RHOT1: variants seen among roughly 807,000 people sequenced by gnomAD.
The protein encoded by RHOT1 is ras homolog family member T1, also known as mitochondrial Rho GTPase 1.
In RHOT1, 27 loss-of-function variants were observed where a neutral mutation model predicts 95.3. The observed-to-expected ratio is 0.28, with a 90% CI of 0.21 to 0.39. RHOT1 has a LOEUF of 0.39. Among genes scored for constraint, RHOT1 ranks in the 10% least tolerant of loss-of-function variants. The pLI is 1.00. For synonymous variants in RHOT1, 227 were observed against 263.5 expected (o/e 0.86, Z 1.34); for missense variants, 578 against 786.7 (o/e 0.73, Z 3.17).
Position 32,175,609 on chromosome 17 carries a change from A to T in RHOT1, c.222+247A>T, listed in dbSNP as rs900445002. On this transcript the variant is annotated intron_variant, in intron 4 of 19. Transcript: ENST00000545287. ...GTAGCTGGGATTACAGGCATGCACC[A>T]CCATGCCCAGCTAATTTTTGTATTT... Among the ~76,000 whole-genome samples the T allele has an allele frequency of 3.3e-4, 50 of 152,076 alleles. 1 individual carries two copies. Among genetic ancestry groups the T allele is most frequent in the Admixed American group, 7.9e-4 (12 of 15,272 alleles).
chr17:32,209,225 A>T, intron 18 of RHOT1: 1 of 470,318 alleles, frequency 2.1e-6, no homozygotes, highest in East Asian at 3.4e-5. Context: ...TACTTTTTTT[A>T]GATGCAACAA....
At chr17:32,201,452 A>G (rs1391280555) in intron 14 of RHOT1, among the ~76,000 whole-genome samples, 1 of 152,244 alleles carries the variant, frequency 6.6e-6, no homozygotes, top group African/African-American at 2.4e-5. Flanking sequence ...AATGTGCACC[A>G]CTTAAAGTAA....
At chr17:32,200,918 T>G (rs775125117) in intron 13 of RHOT1, 38 bp from the exon 14 acceptor site, 1 of 1,451,396 alleles carries the variant, frequency 6.9e-7, no homozygotes, top group Non-Finnish European at 9.7e-7. Flanking sequence ...AATATTCGTT[T>G]AGGAACTTTT....
intron 1 of RHOT1, among the ~76,000 whole-genome samples, chr17:32,145,785 C>T (rs1388627251): frequency 6.6e-6 from 1 of 152,040 alleles, no homozygotes; most frequent in Non-Finnish European, 1.5e-5. Flanking sequence ...GAGGCCGAGG[C>T]AGGTGGATCA....
intron 14 of RHOT1, among the ~76,000 whole-genome samples, chr17:32,201,707 C>G (rs947864885): frequency 2.6e-5 from 4 of 152,172 alleles, no homozygotes; most frequent in African/African-American, 9.7e-5. Context: ...ACATTGTGGA[C>G]ATTTTTCTGT....
intron 6 of RHOT1, among the ~76,000 whole-genome samples, chr17:32,178,760 G>GCCC (rs2035261578): frequency 6.9e-6 from 1 of 145,802 alleles, no homozygotes; most frequent in Admixed American, 6.8e-5. Context: ...CTGCCTGGCT[G>GCCC]CCCCGTCTGG....
chr17:32,201,136 A>G (rs1474604460), intron 14 of RHOT1, 80 bp downstream of exon 14: 11 of 774,538 alleles, frequency 1.4e-5, no homozygotes, highest in Middle Eastern at 5.4e-4. Flanking sequence ...AAGAGTAAGA[A>G]TACACTCATC....
At chr17:32,186,347 A>G (rs9910874) in intron 8 of RHOT1, among the ~76,000 whole-genome samples, 27,664 of 148,892 alleles carry the variant, frequency 0.19, 2,630 homozygotes, top group South Asian at 0.27. Flanking sequence ...TCTATTGCCT[A>G]TTCAAAGTCC....
At chr17:32,214,978 C>T (rs1433380265) in intron 19 of RHOT1, among the ~76,000 whole-genome samples, 1 of 140,838 alleles carries the variant, frequency 7.1e-6, no homozygotes, top group African/African-American at 2.7e-5. Context: ...ATGATCTCGG[C>T]TCACTGCAAC....
rs991549458 is a variant in RHOT1 at position 32,157,792 on chromosome 17, G to C, written c.38-13251G>C. Reference sequence around the variant, plus strand: ...ATTGTACTCCAGCCTGGGTGACATAGCAAGACTGTCCCCCGCTCCCACCCC... The same window carrying C: ...ATTGTACTCCAGCCTGGGTGACATACCAAGACTGTCCCCCGCTCCCACCCC... On this transcript the variant is annotated intron_variant, in intron 1 of 19. Transcript: ENST00000545287. Among the ~76,000 whole-genome samples the C allele has an allele frequency of 2.6e-5, 4 of 151,662 alleles. No individual in the cohort carries two copies. In the East Asian group the frequency reaches 7.7e-4, roughly 29 times the overall value.
At chr17:32,149,635 A>ATATATATATATGTG (rs1445281403) in intron 1 of RHOT1, among the ~76,000 whole-genome samples, 31 of 59,068 alleles carry the variant, frequency 5.2e-4, no homozygotes, top group South Asian at 8.7e-4. Context: ...ATATATATAT[A>ATATATATATATGTG]TGTGTGTGTG....
intron 6 of RHOT1, among the ~76,000 whole-genome samples, chr17:32,177,346 A>G (rs2035087502): frequency 6.6e-6 from 1 of 152,236 alleles, no homozygotes; most frequent in Non-Finnish European, 1.5e-5. Context: ...GAGCATTTCC[A>G]TCATCATAGA....
Position 32,211,106 on chromosome 17 carries a change from G to A in RHOT1, c.1740-10G>A, listed in dbSNP as rs1244885971. 1 of 1,596,010 alleles carries A rather than the reference G, an allele frequency of 6.3e-7. No homozygotes were observed. The highest frequency in any genetic ancestry group is 8.6e-7 in the Non-Finnish European group (1 of 1,166,542). On this transcript the variant is annotated splice_polypyrimidine_tract_variant and intron_variant, in intron 18 of 19. Coordinates refer to ENST00000545287, the MANE Select transcript of RHOT1 (RefSeq NM_001033566.3). ...GAACTCAACTCCTGTCCTTCTGTGT[G>A]TTTTCGCAGCCATGCCCGGTTACGC...
chr17:32,177,047 G>C (rs1380039521), intron 6 of RHOT1, among the ~76,000 whole-genome samples: 1 of 152,110 alleles, frequency 6.6e-6, no homozygotes, highest in Non-Finnish European at 1.5e-5. Context: ...TATTTTGGAA[G>C]GGAGACTGAG....
At position 32,170,236 on chromosome 17, in the gene RHOT1, G is replaced by A. The variant is rs565724094; in HGVS notation, c.38-807G>A. Among the ~76,000 whole-genome samples the A allele has an allele frequency of 1.8e-3, 267 of 152,152 alleles. 1 individual carries two copies. The highest frequency in any genetic ancestry group is 2.4e-3 in the Non-Finnish European group (160 of 68,012). On this transcript the variant is annotated intron_variant, in intron 1 of 19. Transcript: ENST00000545287. ...TCGAGACCAGCCTGGCCAACATGGG[G>A]AAACCCTGTCTCTACTAAAAATACA...
At chr17:32,200,211 G>A (rs570749335) in intron 13 of RHOT1, among the ~76,000 whole-genome samples, 2 of 151,594 alleles carry the variant, frequency 1.3e-5, no homozygotes, top group Non-Finnish European at 2.9e-5. Context: ...ATCATTTTTG[G>A]GTTTTTTTCT....
intron 11 of RHOT1, among the ~76,000 whole-genome samples, chr17:32,194,474 C>T (rs1006733162): frequency 6.6e-6 from 1 of 152,178 alleles, no homozygotes; most frequent in African/African-American, 2.4e-5. Context: ...ATCTTTACCA[C>T]ATCCGTAGAT....
chr17:32,162,265 AAAGG>A (rs1235595200), intron 1 of RHOT1, among the ~76,000 whole-genome samples: 1 of 152,142 alleles, frequency 6.6e-6, no homozygotes. Flanking sequence ...TCTGTGGTTG[AAAGG>A]GACTCATTAT....
chr17:32,191,353 C>T (rs953991254), intron 8 of RHOT1, among the ~76,000 whole-genome samples: 2 of 152,074 alleles, frequency 1.3e-5, no homozygotes, highest in Non-Finnish European at 2.9e-5. Context: ...GTTTATATTT[C>T]CTCACCTTGA....
Sources: allele counts gnomAD v4.1 joint callset (sites outside exome capture counted in the v4.1 genomes callset), GRCh38; gene constraint gnomAD v4.1.1; transcripts MANE v1.5; gene names NCBI Gene and HGNC (gene_info 2026-07-23, HGNC 2026-07-21).